The following ARHGAP25 variants were observed in gnomAD, a reference collection of about 807,000 sequenced individuals.
ARHGAP25 encodes the protein Rho GTPase activating protein 25.
In ARHGAP25, 34 loss-of-function variants were observed where a neutral mutation model predicts 71.0. The observed-to-expected ratio is 0.48, with a 90% CI of 0.36 to 0.64. The LOEUF (loss-of-function observed/expected upper bound fraction) is 0.64, where lower values mean the gene tolerates loss of function less well. Among genes scored for constraint, ARHGAP25 ranks in the 30% least tolerant of loss-of-function variants. The probability of loss-of-function intolerance (pLI) is 0.00; values close to 1 mark genes in which losing one functional copy is unlikely to be tolerated. For missense variants in ARHGAP25, 706 were observed against 805.1 expected, an observed-to-expected ratio of 0.88 and a Z score of 1.49; for synonymous variants, 282 against 296.5, an observed-to-expected ratio of 0.95 and a Z score of 0.50.
At chr2:68,770,309 C>T (rs1347972384) in intron 1 of ARHGAP25, among the ~76,000 whole-genome samples, 1 of 152,126 alleles carries the variant, frequency 6.6e-6, no homozygotes, top group Non-Finnish European at 1.5e-5. Context: ...GGAAGCCATG[C>T]AAATTCTACT....
chr2:68,821,092 C>CTTTTTTTTTTTTTTTTTTT (rs34119311), intron 9 of ARHGAP25, among the ~76,000 whole-genome samples: 4 of 99,452 alleles, frequency 4.0e-5, no homozygotes, highest in African/African-American at 8.2e-5. Flanking sequence ...CTTTTTCTTT[C>CTTTTTTTTTTTTTTTTTTT]TTTTTTTTTT....
At chr2:68,787,689 A>C in intron 3 of ARHGAP25, 151 bp from the exon 4 acceptor site, 1 of 683,036 alleles carries the variant, frequency 1.5e-6, no homozygotes, top group Admixed American at 2.1e-5. Context: ...ATCCAGTTCC[A>C]CTGAGGATAA....
At position 68,729,703 on chromosome 2, in the gene ARHGAP25, G is replaced by C. The variant is rs550620518; in HGVS notation, c.-18+19005G>C. 9.2e-5 allele frequency among the ~76,000 whole-genome samples: 14 copies of C among 152,294 alleles called. No individual in the cohort carries two copies. The South Asian group carries it at 2.9e-3, about 32-fold the overall frequency. ...ATTGTTAATGGAAACATAAACCGTA[G>C]AACTTTTTCATGTTTGTTCTTCACC... On this transcript the variant is annotated intron_variant and NMD_transcript_variant, in intron 2 of 7. Coordinates refer to the ARHGAP25 transcript ENST00000463483.
chr2:68,800,184 C>T (rs1679866082), intron 4 of ARHGAP25, among the ~76,000 whole-genome samples: 1 of 151,702 alleles, frequency 6.6e-6, no homozygotes, highest in African/African-American at 2.4e-5. Flanking sequence ...AGCGGGCAGG[C>T]ACAGTGTGTA....
Position 68,807,201 on chromosome 2 carries a change from AC to A in ARHGAP25, c.467-71del, listed in dbSNP as rs536976022. 23 of 1,500,440 alleles carry A rather than the reference AC, an allele frequency of 1.5e-5. No homozygotes were observed. In the South Asian group the frequency reaches 2.5e-4, roughly 17 times the overall value. 92.9% of individuals were successfully genotyped at this position (1,500,440 alleles called of 1,614,324 possible). On this transcript the variant is annotated intron_variant, in intron 4 of 10. Coordinates refer to ENST00000409202, the MANE Select transcript of ARHGAP25 (RefSeq NM_001007231.3). ...TAAAACCTGTGAAGACACAGGTGAC[AC>A]AGAAAGTCAAGAAATAGTTCATCCA...
chr2:68,794,450 C>G (rs1177549173), intron 4 of ARHGAP25, among the ~76,000 whole-genome samples: 2 of 152,068 alleles, frequency 1.3e-5, no homozygotes, highest in Non-Finnish European at 2.9e-5. Flanking sequence ...TCCTCCTATG[C>G]CTAGTTTGTT....
At chr2:68,820,989 C>T (rs1416650413) in intron 9 of ARHGAP25, among the ~76,000 whole-genome samples, 1 of 151,982 alleles carries the variant, frequency 6.6e-6, no homozygotes, top group Non-Finnish European at 1.5e-5. Flanking sequence ...AAACAGCTAC[C>T]TCATATGACC....
chr2:68,758,644 C>G (rs932969985), intron 1 of ARHGAP25, among the ~76,000 whole-genome samples: 1 of 151,766 alleles, frequency 6.6e-6, no homozygotes, highest in African/African-American at 2.4e-5. Flanking sequence ...GAGAAATAGG[C>G]AGTTCTATAA....
At chr2:68,731,709 A>G (rs568483673), upstream of ARHGAP25, among the ~76,000 whole-genome samples, 1 of 151,796 alleles carries the variant, frequency 6.6e-6, no homozygotes, top group East Asian at 1.9e-4. Context: ...CCTTTTTCCA[A>G]CCCCCTTGCC....
chr2:68,826,534 GATTA>G lies in ARHGAP25; in HGVS notation c.*344_*347del. The G allele has an allele frequency of 2.5e-6, 1 of 395,094 alleles. No homozygotes were observed. The highest frequency in any genetic ancestry group is 4.8e-6 in the Non-Finnish European group (1 of 207,552). The allele number at this position is 395,094 out of a possible 1,614,324, so 24.5% of individuals were successfully genotyped here. A position where few individuals can be genotyped will look rare whatever the true frequency, so the allele number is the denominator to read the frequency against. On this transcript the variant is annotated 3_prime_UTR_variant, in exon 11 of 11. Coordinates refer to ENST00000409202, the MANE Select transcript of ARHGAP25 (RefSeq NM_001007231.3). ...CCCAACTCAGGCTGGACTAAGGTGTGATTAATTCTTTGTTTTTTGTGTGGAACAG... is the reference window on the plus strand; with the variant it reads ...CCCAACTCAGGCTGGACTAAGGTGTGATTCTTTGTTTTTTGTGTGGAACAG...
chr2:68,797,067 G>T (rs1291283044), intron 4 of ARHGAP25, among the ~76,000 whole-genome samples: 1 of 152,140 alleles, frequency 6.6e-6, no homozygotes, highest in African/African-American at 2.4e-5. Flanking sequence ...AGAGGTATTT[G>T]GGTAACCCAG....
chr2:68,761,412 T>C (rs1050716753), intron 1 of ARHGAP25, among the ~76,000 whole-genome samples: 1 of 151,808 alleles, frequency 6.6e-6, no homozygotes, highest in African/African-American at 2.4e-5. Flanking sequence ...TTTAAAAAAT[T>C]ACGTATCAAA....
At chr2:68,763,222 A>C (rs993938170) in intron 1 of ARHGAP25, among the ~76,000 whole-genome samples, 6 of 152,252 alleles carry the variant, frequency 3.9e-5, no homozygotes, top group Non-Finnish European at 8.8e-5. Flanking sequence ...ACAAAATTGC[A>C]AAGTGTCACA....
At chr2:68,737,502 C>G (rs989206836) in intron 1 of ARHGAP25, among the ~76,000 whole-genome samples, 3 of 152,158 alleles carry the variant, frequency 2.0e-5, no homozygotes, top group Non-Finnish European at 4.4e-5. Context: ...GTGATGGTAA[C>G]ACCCCCCTAC....
chr2:68,797,755 A>G (rs146930592), intron 4 of ARHGAP25, among the ~76,000 whole-genome samples: 38 of 152,310 alleles, frequency 2.5e-4, no homozygotes, highest in Admixed American at 2.6e-4. Flanking sequence ...GAGCAGTTCC[A>G]TATCATAGTC....
chr2:68,786,349 T>G (rs1678760927), intron 3 of ARHGAP25, among the ~76,000 whole-genome samples: 1 of 152,074 alleles, frequency 6.6e-6, no homozygotes, highest in African/African-American at 2.4e-5. Context: ...TTAGGAGCAA[T>G]ATGGGCCAGC....
intron 1 of ARHGAP25, among the ~76,000 whole-genome samples, chr2:68,769,169 C>T (rs559461605): frequency 2.0e-5 from 3 of 152,224 alleles, no homozygotes; most frequent in African/African-American, 7.2e-5. Context: ...GTGCAATGTC[C>T]AGCCAATCTC....
In ARHGAP25 at chr2:68,819,299, A is replaced by T. The variant is rs1378312786; in HGVS notation, c.1180A>T (p.Thr394Ser). Residue 394 changes from threonine to serine, a missense_variant, in exon 9 of 11, where the codon ACA becomes TCA. By Grantham distance (58) the Thr-to-Ser change is moderately conservative (BLOSUM62 1). Coordinates refer to ENST00000409202, the MANE Select transcript of ARHGAP25 (RefSeq NM_001007231.3). ...DATEDLRISR[T>S]DSFSSMTSDS... is the part of the protein sequence containing the mutation. ...CACTGAAGACCTCCGAATTTCTAGG[A>T]CAGACAGCTTCAGTAGCATGGTAAG... is the stretch of plus-strand genomic sequence containing the variant. 6.2e-7 allele frequency: 1 copy of T among 1,614,180 alleles called. No homozygotes were observed.
At chr2:68,818,641 C>T (rs12713666) in intron 8 of ARHGAP25, among the ~76,000 whole-genome samples, 94,759 of 152,218 alleles carry the variant, frequency 0.62, 30,481 homozygotes, top group Non-Finnish European at 0.71. Flanking sequence ...TTTCATTTTA[C>T]AAGCCAGCCC....
Sources: allele counts gnomAD v4.1 joint callset (sites outside exome capture counted in the v4.1 genomes callset), GRCh38; gene constraint gnomAD v4.1.1; transcripts MANE v1.5; gene names NCBI Gene and HGNC (gene_info 2026-07-23, HGNC 2026-07-21).